HCFC1: variants seen among roughly 807,000 people sequenced by gnomAD.
HCFC1 encodes the protein host cell factor C1.
A neutral mutation model predicts 105.5 loss-of-function variants in HCFC1; 7 were observed. The ratio of observed to expected loss-of-function variants is 0.07; its 90% confidence interval spans 0.04 to 0.12. HCFC1 has a LOEUF of 0.12. HCFC1 is among the 10% of genes least tolerant of loss of function. The pLI is 1.00. For synonymous variants in HCFC1, 918 were observed against 828.1 expected (o/e 1.11, Z -1.86); for missense variants, 1,065 against 1,823.6 (o/e 0.58, Z 7.58).
At chrX:153,970,609 G>A (rs1239441491) in intron 1 of HCFC1, 39 bp downstream of exon 1, 3 of 1,044,101 alleles carry the variant, frequency 2.9e-6, no homozygotes, top group Non-Finnish European at 2.6e-6. Flanking sequence ...GAGATGGAGG[G>A]AGGGAAAGAG....
chrX:153,952,004 C>T lies in HCFC1; in HGVS notation c.5097G>A (p.Gln1699=). The T allele has an allele frequency of 8.4e-7, 1 of 1,190,414 alleles. No homozygotes were observed. Among genetic ancestry groups the T allele is most frequent in the South Asian group, 1.8e-5 (1 of 54,378 alleles). The change falls in exon 20 of 26, where the codon CAG becomes CAA. Residue 1699 remains glutamine, a synonymous_variant. Transcript: ENST00000310441. ...GCTGCTGGGCCTGGGCCTCCTGCAG[C>T]TGCTGCTGCTGCACCAGGGCAGCCA... ...QELAALVQQQ[Q]LQEAQAQQQH...
At chrX:153,961,502 C>A (rs1451660543) in intron 6 of HCFC1, 40 bp downstream of exon 6, 1 of 983,962 alleles carries the variant, frequency 1.0e-6, no homozygotes, top group East Asian at 3.1e-5. Context: ...CAGCCTCCTG[C>A]AGCCTCCCAC....
intron 18 of HCFC1, chrX:153,953,179 C>T: frequency 2.2e-6 from 1 of 447,481 alleles, no homozygotes; most frequent in Non-Finnish European, 3.9e-6. Flanking sequence ...CCTCACCTTT[C>T]CTTGTGGGCC....
At chrX:153,951,298 G>C in intron 22 of HCFC1, 52 bp downstream of exon 22, 1 of 1,181,657 alleles carries the variant, frequency 8.5e-7, no homozygotes, top group Non-Finnish European at 1.1e-6. Flanking sequence ...CGCTCAGGGT[G>C]GTGGAGCCAA....
chrX:153,957,054 G>T lies in HCFC1; in HGVS notation c.2360C>A (p.Thr787Asn). Residue 787 changes from threonine to asparagine, a missense_variant, in exon 14 of 26, where the codon ACC becomes AAC. Physicochemically the swap from Thr to Asn is moderately conservative, Grantham distance 65. This residue lies in a region of HCFC1 where 137 missense variants were observed against 378.2 expected (regional missense o/e 0.36). Transcript: ENST00000310441. ...GGGGGACTTGATGCCAGGACTGCTG[G>T]TCACACCTGGATGGGAGAGTGGGGC... ...IITQAGATGVTSSPGIKSPIT... is the reference protein window; with the variant it reads ...IITQAGATGVNSSPGIKSPIT... 5 of 1,208,648 alleles carry T rather than the reference G, an allele frequency of 4.1e-6. No individual in the cohort carries two copies. The South Asian group carries it at 8.8e-5, about 21-fold the overall frequency.
At chrX:153,957,989 G>C (rs1557115660) in intron 11 of HCFC1, 36 bp downstream of exon 11, 1 of 1,178,702 alleles carries the variant, frequency 8.5e-7, no homozygotes, top group East Asian at 3.0e-5. Flanking sequence ...ATTCACCACT[G>C]GCAGTGGCCG....
intron 6 of HCFC1, 69 bp from the exon 7 acceptor site, chrX:153,960,483 G>A: frequency 5.1e-6 from 4 of 789,278 alleles, no homozygotes; most frequent in Non-Finnish European, 7.0e-6. Flanking sequence ...GGTTGCCCTT[G>A]GTTCTTTTGT....
At position 153,948,928 on chromosome X, in the gene HCFC1, G is replaced by A. The variant is rs1466203784; in HGVS notation, c.*419C>T. The A allele has an allele frequency of 1.7e-5, 2 of 116,334 alleles. No individual in the cohort carries two copies. Among genetic ancestry groups the A allele is most frequent in the Admixed American group, 9.1e-5 (1 of 10,998 alleles). 9.6% of individuals were successfully genotyped at this position (116,334 alleles called of 1,213,427 possible). A position where few individuals can be genotyped will look rare whatever the true frequency, so the allele number is the denominator to read the frequency against. ...AAAACAGAACCAGACACCCAGGCCA[G>A]GGTGCCAGGAAAGCCACTCTGGGGA... On this transcript the variant is annotated 3_prime_UTR_variant, in exon 26 of 26. Coordinates refer to ENST00000310441, the MANE Select transcript of HCFC1 (RefSeq NM_005334.3).
chrX:153,954,060 A>G lies in HCFC1; in HGVS notation c.4333+6T>C. On this transcript the variant is annotated splice_donor_region_variant and intron_variant, in intron 17 of 25. Transcript: ENST00000310441. ...CATGAAAGCCAGGCTGGCCACCTTC[A>G]CTTACCTTGGTTTGAACTCATGTTG... 8.4e-7 allele frequency: 1 copy of G among 1,186,090 alleles called. No homozygotes were observed. The highest frequency in any genetic ancestry group is 1.1e-6 in the Non-Finnish European group (1 of 879,729).
In HCFC1 at chrX:153,964,299, C is replaced by A; in HGVS notation, c.343-15G>T. 1 of 1,159,639 alleles carries A rather than the reference C, an allele frequency of 8.6e-7. No individual in the cohort carries two copies. Among genetic ancestry groups the A allele is most frequent in the South Asian group, 2.0e-5 (1 of 49,056 alleles). On this transcript the variant is annotated splice_polypyrimidine_tract_variant and intron_variant, in intron 2 of 25. Coordinates refer to ENST00000310441, the MANE Select transcript of HCFC1 (RefSeq NM_005334.3). The stretch of plus-strand genomic sequence containing the variant: ...CACCGGCTCGCCTGCAAAATCAAGA[C>A]CTGGAGACTGAACCGTGGGATGAGA...
chrX:153,961,361 T>G (rs1459672324), intron 6 of HCFC1, among the ~76,000 whole-genome samples, 181 bp downstream of exon 6: 2 of 111,807 alleles, frequency 1.8e-5, no homozygotes, highest in South Asian at 3.7e-4. Context: ...GAGAGCTCAT[T>G]CAAAAAACTC....
At chrX:153,964,047 T>A in intron 3 of HCFC1, 77 bp downstream of exon 3, 1 of 941,427 alleles carries the variant, frequency 1.1e-6, no homozygotes, top group Non-Finnish European at 1.5e-6. Context: ...GCGCACATTC[T>A]TTAGGACACC....
Position 153,971,100 on chromosome X carries a change from G to A in HCFC1, c.-260C>T. The A allele has an allele frequency of 5.7e-6, 2 of 349,346 alleles. No homozygotes were observed. The highest frequency in any genetic ancestry group is 9.8e-6 in the Non-Finnish European group (2 of 204,867). 28.8% of individuals were successfully genotyped at this position (349,346 alleles called of 1,213,427 possible). ...GGCTCAAGAAGCTGGAGGCCGCTGA[G>A]TCCCGTCGCCCCGACTACTTGTCCG... On this transcript the variant is annotated 5_prime_UTR_variant, in exon 1 of 26. Coordinates refer to ENST00000310441, the MANE Select transcript of HCFC1 (RefSeq NM_005334.3).
Position 153,960,311 on chromosome X carries a change from A to G in HCFC1, c.1008T>C (p.Ile336=), listed in dbSNP as rs1557116452. The change falls in exon 7 of 26, where the codon ATT becomes ATC. Residue 336 remains isoleucine, a synonymous_variant. Transcript: ENST00000310441. ...CAVAINTRLY[I]WSGRDGYRKA... ...TGCGGTAGCCGTCACGCCCACTCCA[A>G]ATGTACAGGCGGGTGTTGATGGCGA... The G allele has an allele frequency of 8.3e-7, 1 of 1,206,879 alleles. No individual in the cohort carries two copies. Among genetic ancestry groups the G allele is most frequent in the South Asian group, 1.8e-5 (1 of 56,112 alleles).
Position 153,955,013 on chromosome X carries a change from G to T in HCFC1, c.3386C>A (p.Ala1129Asp). 1 of 1,209,550 alleles carries T rather than the reference G, an allele frequency of 8.3e-7. No individual in the cohort carries two copies. Among genetic ancestry groups the T allele is most frequent in the Non-Finnish European group, 1.1e-6 (1 of 894,563 alleles). Residue 1129 changes from alanine (A) to aspartate (D), a missense_variant, in exon 17 of 26, where the codon GCC (alanine) becomes GAC (aspartate). Physicochemically the swap from Ala to Asp is moderately radical, Grantham distance 126. Coordinates refer to ENST00000310441, the MANE Select transcript of HCFC1 (RefSeq NM_005334.3). The stretch of plus-strand genomic sequence containing the variant: ...CCGACGGGCATCTCGCTGGTGGTTG[G>T]CGCCGACGCTCGACATGGCTGTAGT... Reference protein sequence around the residue: ...TATTAMSSVGANHQRDARRAC... With the variant: ...TATTAMSSVGDNHQRDARRAC...
intron 25 of HCFC1, 83 bp downstream of exon 25, chrX:153,949,470 C>T (rs1422332130): frequency 6.7e-5 from 76 of 1,140,946 alleles, no homozygotes; most frequent in Non-Finnish European, 8.8e-5. Context: ...CGGTTAGGGG[C>T]CCCCAGTCAT....
chrX:153,949,244 G>C lies in HCFC1; in HGVS notation c.*103C>G, dbSNP rs1557111785. Reference sequence around the variant, plus strand: ...AGAGGAGTGAACAGCGGCTCGCGAGGGTGAAGTGCGAATGCTGGGACGGGG... The same window carrying C: ...AGAGGAGTGAACAGCGGCTCGCGAGCGTGAAGTGCGAATGCTGGGACGGGG... On this transcript the variant is annotated 3_prime_UTR_variant, in exon 26 of 26. Transcript: ENST00000310441. 1.7e-6 allele frequency: 1 copy of C among 581,344 alleles called. No homozygotes were observed. Among genetic ancestry groups the C allele is most frequent in the Non-Finnish European group, 2.8e-6 (1 of 351,145 alleles). The allele number at this position is 581,344 out of a possible 1,213,427, so 47.9% of individuals were successfully genotyped here. A position where few individuals can be genotyped will look rare whatever the true frequency, so the allele number is the denominator to read the frequency against.
rs1321560567 is a variant in HCFC1 at position 153,955,198 on chromosome X, C to T, written c.3201G>A (p.Gln1067=). ...ASLVTSTVGQ[Q]NGSVVRVCSN... is the part of the protein sequence containing the mutation. ...AACAGACTCGGACCACGCTACCATTCTGCTGGCCCACAGTCGAGGTCACAA... is the reference window on the plus strand; with the variant it reads ...AACAGACTCGGACCACGCTACCATTTTGCTGGCCCACAGTCGAGGTCACAA... The change falls in exon 17 of 26, where the codon CAG becomes CAA. Residue 1067 remains glutamine, a synonymous_variant. Coordinates refer to ENST00000310441, the MANE Select transcript of HCFC1 (RefSeq NM_005334.3). 8.3e-7 allele frequency: 1 copy of T among 1,211,889 alleles called. No individual in the cohort carries two copies. Among genetic ancestry groups the T allele is most frequent in the Non-Finnish European group, 1.1e-6 (1 of 895,396 alleles).
chrX:153,962,352 A>T, intron 4 of HCFC1, 46 bp from the exon 5 acceptor site: 1 of 960,048 alleles, frequency 1.0e-6, no homozygotes, highest in Non-Finnish European at 1.5e-6. Context: ...TAGACTGCAC[A>T]CAGGTCGTTC....
Sources: allele counts gnomAD v4.1 joint callset (sites outside exome capture counted in the v4.1 genomes callset), GRCh38; gene constraint gnomAD v4.1.1; regional missense constraint gnomAD v4.1.1; transcripts MANE v1.5; gene names NCBI Gene and HGNC (gene_info 2026-07-23, HGNC 2026-07-21).